Variants in RFX3 observed in about 807,000 individuals in gnomAD.
RFX3 encodes transcription factor RFX3.
RFX3 carries 14 observed loss-of-function variants against 98.6 expected under a neutral mutation model. The observed-to-expected ratio is 0.14, with a 90% CI of 0.09 to 0.22. The LOEUF is 0.22. Among genes scored for constraint, RFX3 ranks in the 10% least tolerant of loss-of-function variants. RFX3 has a pLI of 1.00. For missense variants in RFX3, 639 were observed against 926.9 expected (o/e 0.69, Z 4.03); for synonymous variants, 383 against 328.4 (o/e 1.17, Z -1.80).
chr9:3,435,353 A>G (rs1845027763), intron 1 of RFX3, among the ~76,000 whole-genome samples: 1 of 151,550 alleles, frequency 6.6e-6, no homozygotes, highest in Non-Finnish European at 1.5e-5. Flanking sequence ...TATTTTCTTT[A>G]TATCCTTATT....
intron 1 of RFX3, among the ~76,000 whole-genome samples, chr9:3,460,164 C>CT (rs891695801): frequency 1.3e-5 from 2 of 151,954 alleles, no homozygotes; most frequent in African/African-American, 4.8e-5. Flanking sequence ...AATTCATCAG[C>CT]TTTATTGTAG....
rs138793122 is a variant in RFX3 at position 3,244,445 on chromosome 9, T to G, written c.1968+3587A>C. ...TGTAGGTGTTAGCTTCACTTGAAAT[T>G]TTGACTTTTTATCCTAATTCAATTT... On this transcript the variant is annotated intron_variant, in intron 15 of 16. Coordinates refer to ENST00000617270, the MANE Select transcript of RFX3 (RefSeq NM_001282116.2). Among the ~76,000 whole-genome samples the G allele has an allele frequency of 6.1e-3, 933 of 152,302 alleles. 3 individuals are homozygous for G. The highest frequency in any genetic ancestry group is 1.0e-2 in the Non-Finnish European group (678 of 68,024).
At chr9:3,517,530 C>T (rs2133894570) in intron 1 of RFX3, among the ~76,000 whole-genome samples, 1 of 152,254 alleles carries the variant, frequency 6.6e-6, no homozygotes, top group Middle Eastern at 3.4e-3. Context: ...TTACCAAGAA[C>T]CTTCAGAAAT....
At chr9:3,399,848 C>G (rs1185605171) in intron 1 of RFX3, among the ~76,000 whole-genome samples, 1 of 151,396 alleles carries the variant, frequency 6.6e-6, no homozygotes, top group African/African-American at 2.4e-5. Context: ...ACTCAGGAGG[C>G]TGCAGCAGGA....
At chr9:3,449,635 T>C (rs1846387568) in intron 1 of RFX3, among the ~76,000 whole-genome samples, 1 of 152,166 alleles carries the variant, frequency 6.6e-6, no homozygotes, top group East Asian at 1.9e-4. Flanking sequence ...AAGGAGCTCC[T>C]GAGCTCAGGA....
chr9:3,441,268 T>C (rs1361846685), intron 1 of RFX3, among the ~76,000 whole-genome samples: 3 of 152,070 alleles, frequency 2.0e-5, no homozygotes, highest in Non-Finnish European at 4.4e-5. Flanking sequence ...TATGAACGCA[T>C]ATTTAGTTTA....
chr9:3,375,756 C>T (rs767528977), intron 2 of RFX3, among the ~76,000 whole-genome samples: 1 of 151,938 alleles, frequency 6.6e-6, no homozygotes, highest in Admixed American at 6.6e-5. Flanking sequence ...GTCAGGAGAT[C>T]GAGACCATCC....
intron 1 of RFX3, among the ~76,000 whole-genome samples, chr9:3,465,275 A>G (rs1848100356): frequency 6.6e-6 from 1 of 151,746 alleles, no homozygotes; most frequent in African/African-American, 2.4e-5. Context: ...ACCATTTCTT[A>G]TATGTTAACC....
chr9:3,324,791 C>T (rs535553215), intron 4 of RFX3, among the ~76,000 whole-genome samples: 2 of 151,892 alleles, frequency 1.3e-5, no homozygotes, highest in East Asian at 3.9e-4. Context: ...GGTGAAACAC[C>T]GTCTCTACTA....
intron 1 of RFX3, among the ~76,000 whole-genome samples, chr9:3,501,148 T>A (rs922619736): frequency 6.6e-6 from 1 of 152,202 alleles, no homozygotes; most frequent in Non-Finnish European, 1.5e-5. Context: ...TAGCCTCTTT[T>A]TGGCAAATTC....
intron 3 of RFX3, among the ~76,000 whole-genome samples, chr9:3,342,946 G>A (rs1255172588): frequency 6.6e-6 from 1 of 152,182 alleles, no homozygotes; most frequent in African/African-American, 2.4e-5. Flanking sequence ...TCTCCCTTGA[G>A]CAAAAAGGTA....
intron 16 of RFX3, among the ~76,000 whole-genome samples, chr9:3,228,268 G>A (rs908860908): frequency 2.0e-5 from 3 of 152,042 alleles, no homozygotes; most frequent in Admixed American, 2.0e-4. Context: ...GTGTGATTTT[G>A]TTGATCTTGA....
chr9:3,352,128 A>C (rs921918860), intron 2 of RFX3, among the ~76,000 whole-genome samples: 3 of 152,074 alleles, frequency 2.0e-5, no homozygotes, highest in African/African-American at 7.2e-5. Context: ...AAGATTGCCA[A>C]TACATATTAC....
At chr9:3,330,233 A>G in intron 4 of RFX3, 26 bp downstream of exon 4, 1 of 1,612,488 alleles carries the variant, frequency 6.2e-7, no homozygotes, top group South Asian at 1.1e-5. Flanking sequence ...AAGCTAAACT[A>G]AACTACTAAA....
At chr9:3,488,839 T>G in intron 1 of RFX3, 1 of 984,838 alleles carries the variant, frequency 1.0e-6, no homozygotes, top group Non-Finnish European at 1.2e-6. Flanking sequence ...CTTTGTCTCT[T>G]AACTAGCAGA....
intron 2 of RFX3, among the ~76,000 whole-genome samples, chr9:3,390,737 C>T (rs9298954): frequency 0.4 from 60,639 of 151,972 alleles, 14,080 homozygotes; most frequent in African/African-American, 0.63. Context: ...TGCTGCCACC[C>T]GTGTAAGACA....
chr9:3,239,009 A>G (rs1819552922), intron 15 of RFX3, among the ~76,000 whole-genome samples: 1 of 152,126 alleles, frequency 6.6e-6, no homozygotes, highest in Non-Finnish European at 1.5e-5. Context: ...AGAAAAAAAA[A>G]AAAAACAGAG....
chr9:3,249,295 A>T (rs1274989522), intron 14 of RFX3, among the ~76,000 whole-genome samples: 1 of 152,170 alleles, frequency 6.6e-6, no homozygotes, highest in African/African-American at 2.4e-5. Context: ...TATGCATTCA[A>T]CTTGGCAAGT....
At chr9:3,344,426 T>C (rs1017293485) in intron 3 of RFX3, among the ~76,000 whole-genome samples, 1 of 152,210 alleles carries the variant, frequency 6.6e-6, no homozygotes, top group Non-Finnish European at 1.5e-5. Context: ...TTGAGCATTA[T>C]GTTGGTGCTC....
Sources: allele counts gnomAD v4.1 joint callset (sites outside exome capture counted in the v4.1 genomes callset), GRCh38; gene constraint gnomAD v4.1.1; transcripts MANE v1.5; gene names NCBI Gene and HGNC (gene_info 2026-07-23, HGNC 2026-07-21).